The following ESRRB variants were observed in gnomAD, a reference collection of about 807,000 sequenced individuals.
ESRRB encodes the protein steroid hormone receptor ERR2.
Under a neutral mutation model 46.0 loss-of-function variants are expected in ESRRB, and 16 were observed. That is an observed-to-expected ratio of 0.35 (90% confidence interval 0.24 to 0.53). ESRRB has a LOEUF of 0.53. Ranked by LOEUF, ESRRB falls within the 20% of genes least tolerant of loss-of-function variation. ESRRB has a pLI of 0.93. For missense variants in ESRRB, 488 were observed against 607.4 expected, an observed-to-expected ratio of 0.80 and a Z score of 2.07; for synonymous variants, 246 against 259.6, an observed-to-expected ratio of 0.95 and a Z score of 0.50.
chr14:76,456,310 G>A (rs1888611132), intron 2 of ESRRB, among the ~76,000 whole-genome samples: 1 of 152,134 alleles, frequency 6.6e-6, no homozygotes, highest in Non-Finnish European at 1.5e-5. Context: ...TTGGATTTTT[G>A]GGATGACGCA....
At chr14:76,493,323 T>C (rs1360814171) in intron 6 of ESRRB, among the ~76,000 whole-genome samples, 1 of 152,040 alleles carries the variant, frequency 6.6e-6, no homozygotes, top group Non-Finnish European at 1.5e-5. Flanking sequence ...CTCAGCTAAT[T>C]TTTGTATTTT....
chr14:76,412,131 G>A (rs1595091380), intron 1 of ESRRB, among the ~76,000 whole-genome samples: 1 of 152,200 alleles, frequency 6.6e-6, no homozygotes, highest in East Asian at 1.9e-4. Flanking sequence ...CTGGCATTCT[G>A]CTCTGTGCTG....
intron 1 of ESRRB, among the ~76,000 whole-genome samples, chr14:76,387,982 G>C (rs1282220604): frequency 5.9e-5 from 9 of 152,072 alleles, no homozygotes; most frequent in African/African-American, 2.2e-4. Context: ...ACAATCCTAG[G>C]AAGTAGGTAT....
chr14:76,442,507 A>G (rs1362877592), intron 2 of ESRRB, among the ~76,000 whole-genome samples: 1 of 152,176 alleles, frequency 6.6e-6, no homozygotes. Context: ...AAAAAATAAA[A>G]ATAAAAAGTG....
At chr14:76,401,080 A>G (rs1043101741) in intron 1 of ESRRB, among the ~76,000 whole-genome samples, 4 of 152,248 alleles carry the variant, frequency 2.6e-5, no homozygotes, top group African/African-American at 9.6e-5. Context: ...ACTGAGCCCT[A>G]CACTGTCCAA....
intron 1 of ESRRB, among the ~76,000 whole-genome samples, chr14:76,323,939 G>T (rs1237532422): frequency 2.6e-5 from 4 of 152,152 alleles, no homozygotes; most frequent in African/African-American, 9.7e-5. Context: ...AGGCATGTAA[G>T]TATCTCTGCC....
intron 1 of ESRRB, among the ~76,000 whole-genome samples, chr14:76,397,403 T>C (rs1037403307): frequency 3.9e-5 from 6 of 152,176 alleles, no homozygotes; most frequent in Non-Finnish European, 7.3e-5. Flanking sequence ...ACTTTCCTTC[T>C]CTGCCCTCTG....
chr14:76,499,556 C>T lies in ESRRB; in HGVS notation c.*1098C>T. On this transcript the variant is annotated 3_prime_UTR_variant, in exon 7 of 7. Coordinates refer to ENST00000644823, the MANE Select transcript of ESRRB (RefSeq NM_001379180.1). ...CCTGGCTTCCCTTCCCTGCACTCAGCATCATGCCACAGGGCTAGTGTACCA... is the reference window on the plus strand; with the variant it reads ...CCTGGCTTCCCTTCCCTGCACTCAGTATCATGCCACAGGGCTAGTGTACCA... The T allele has an allele frequency of 2.1e-6, 1 of 468,908 alleles. No homozygotes were observed. Among genetic ancestry groups the T allele is most frequent in the Non-Finnish European group, 3.9e-6 (1 of 253,936 alleles). The allele number at this position is 468,908 out of a possible 1,614,324, so 29.0% of individuals were successfully genotyped here.
chr14:76,458,340 C>T (rs1004218708), intron 2 of ESRRB, among the ~76,000 whole-genome samples: 2 of 151,972 alleles, frequency 1.3e-5, no homozygotes, highest in Non-Finnish European at 2.9e-5. Flanking sequence ...AGGCCGCCAG[C>T]CTGGCTTTGC....
chr14:76,363,073 C>G (rs2361002), intron 1 of ESRRB, among the ~76,000 whole-genome samples: 89,097 of 151,950 alleles, frequency 0.59, 26,279 homozygotes, highest in Admixed American at 0.7. Context: ...TTGATGGTGA[C>G]AGCAAGAAGT....
intron 3 of ESRRB, among the ~76,000 whole-genome samples, chr14:76,479,461 C>G (rs572789898): frequency 6.6e-6 from 1 of 152,342 alleles, no homozygotes; most frequent in East Asian, 1.9e-4. Flanking sequence ...GTCTCAGATT[C>G]TGCTCCTGGA....
At chr14:76,434,678 A>AAAAAAG (rs1196878697) in intron 1 of ESRRB, among the ~76,000 whole-genome samples, 5 of 151,708 alleles carry the variant, frequency 3.3e-5, no homozygotes, top group Middle Eastern at 3.4e-3. Flanking sequence ...AAAAGAAAAG[A>AAAAAAG]AAAAAGAAAA....
intron 1 of ESRRB, among the ~76,000 whole-genome samples, chr14:76,406,912 C>A (rs769120815): frequency 6.6e-6 from 1 of 152,214 alleles, no homozygotes; most frequent in Non-Finnish European, 1.5e-5. Context: ...TGTGCGTGCT[C>A]TGTCTTGATC....
At chr14:76,461,052 T>C (rs4608264) in intron 2 of ESRRB, among the ~76,000 whole-genome samples, 21,543 of 151,532 alleles carry the variant, frequency 0.14, 2,477 homozygotes, top group African/African-American at 0.33. Context: ...CCCCCCATCG[T>C]CTTTCCCTCC....
At chr14:76,312,541 G>A (rs1331911902) in intron 1 of ESRRB, among the ~76,000 whole-genome samples, 1 of 151,126 alleles carries the variant, frequency 6.6e-6, no homozygotes, top group African/African-American at 2.4e-5. Flanking sequence ...GGAGTATGGC[G>A]TACAAGGGGG....
intron 1 of ESRRB, among the ~76,000 whole-genome samples, chr14:76,420,558 AGTGTGTGTGT>A (rs61137774): frequency 5.4e-4 from 77 of 142,464 alleles, no homozygotes; most frequent in Non-Finnish European, 1.0e-3. Context: ...ACAGGGTGTG[AGTGTGTGTGT>A]GTGTGTGTGT....
chr14:76,477,134 G>A (rs1480027658), intron 3 of ESRRB, among the ~76,000 whole-genome samples: 2 of 152,306 alleles, frequency 1.3e-5, no homozygotes. Flanking sequence ...CTTTGGTGGG[G>A]TTCCATCTTC....
chr14:76,448,122 C>T (rs1156334510), intron 2 of ESRRB, among the ~76,000 whole-genome samples: 1 of 152,136 alleles, frequency 6.6e-6, no homozygotes, highest in African/African-American at 2.4e-5. Flanking sequence ...AACCTCTACT[C>T]CCAGCTTGTG....
intron 1 of ESRRB, among the ~76,000 whole-genome samples, chr14:76,382,329 C>T (rs1566868052): frequency 6.6e-6 from 1 of 152,216 alleles, no homozygotes; most frequent in Non-Finnish European, 1.5e-5. Context: ...ATTGGTTCGT[C>T]CATGGTGCAA....
Sources: gnomAD v4.1 joint callset for allele counts (sites outside exome capture counted in the v4.1 genomes callset) on GRCh38, gnomAD v4.1.1 for gene constraint, MANE v1.5 for transcripts, NCBI Gene and HGNC (gene_info 2026-07-23, HGNC 2026-07-21) for gene names.